Variants in UBASH3B observed in about 807,000 individuals in gnomAD.
UBASH3B encodes ubiquitin-associated and SH3 domain-containing protein B.
A neutral mutation model predicts 83.4 loss-of-function variants in UBASH3B; 37 were observed. The ratio of observed to expected loss-of-function variants is 0.44; its 90% CI spans 0.34 to 0.58. The LOEUF is 0.58. UBASH3B is among the 20% of genes least tolerant of loss of function. The pLI is 0.01. For missense variants in UBASH3B, 657 were observed against 827.2 expected (o/e 0.79, Z 2.52); for synonymous variants, 304 against 318.3 (o/e 0.96, Z 0.48).
intron 1 of UBASH3B, among the ~76,000 whole-genome samples, chr11:122,724,822 G>T (rs1307078771): frequency 6.6e-6 from 1 of 152,136 alleles, no homozygotes; most frequent in Non-Finnish European, 1.5e-5. Context: ...AGAGTCCAGT[G>T]AGCGGCATCC....
chr11:122,765,490 G>A (rs1860520915), intron 1 of UBASH3B, among the ~76,000 whole-genome samples: 2 of 152,180 alleles, frequency 1.3e-5, no homozygotes, highest in African/African-American at 2.4e-5. Flanking sequence ...GTGACTTAGA[G>A]GGTGAAGGGG....
At position 122,806,634 on chromosome 11, in the gene UBASH3B, A is replaced by T; in HGVS notation, c.1702+118A>T. The T allele has an allele frequency of 7.6e-7, 1 of 1,313,260 alleles. No homozygotes were observed. The highest frequency in any genetic ancestry group is 2.0e-5 in the South Asian group (1 of 49,252). The allele number at this position is 1,313,260 out of a possible 1,614,324, so 81.4% of individuals were successfully genotyped here. A position where few individuals can be genotyped will look rare whatever the true frequency, so the allele number is the denominator to read the frequency against. Reference sequence around the variant, plus strand: ...GCTAACCAAAGAAATGTATTTCCAGATTTTCTTCCAGATACTTTTACATTA... The same window carrying T: ...GCTAACCAAAGAAATGTATTTCCAGTTTTTCTTCCAGATACTTTTACATTA... On this transcript the variant is annotated intron_variant, in intron 12 of 13. Coordinates refer to ENST00000284273, the MANE Select transcript of UBASH3B (RefSeq NM_032873.5). The surrounding 1 kb of genome is among the most constrained non-coding windows in gnomAD (Gnocchi z 4.0).
chr11:122,720,722 ATCCACAGAGCTC>A (rs1039928653), intron 1 of UBASH3B, among the ~76,000 whole-genome samples: 2 of 152,104 alleles, frequency 1.3e-5, no homozygotes, highest in Non-Finnish European at 2.9e-5. Flanking sequence ...TCACACAGCT[ATCCACAGAGCTC>A]TCCCTCCCTG....
chr11:122,666,460 C>T (rs1320613824), intron 1 of UBASH3B, among the ~76,000 whole-genome samples: 1 of 152,080 alleles, frequency 6.6e-6, no homozygotes, highest in Non-Finnish European at 1.5e-5. Flanking sequence ...GCCCTGTCAC[C>T]CAGGCTGGAG....
chr11:122,741,158 G>T lies in UBASH3B; in HGVS notation c.162-35061G>T, dbSNP rs555054692. ...GAGGAATTCAGAACTTAACCTCTCA[G>T]CTAGTTTGAGGACTAAAGCTGTGAT... On this transcript the variant is annotated intron_variant, in intron 1 of 13. Coordinates refer to ENST00000284273, the MANE Select transcript of UBASH3B (RefSeq NM_032873.5). 2.0e-5 allele frequency among the ~76,000 whole-genome samples: 3 copies of T among 152,260 alleles called. No individual in the cohort carries two copies. In the South Asian group the frequency reaches 6.2e-4, roughly 32 times the overall value.
Position 122,799,049 on chromosome 11 carries a change from T to C in UBASH3B, c.1450+15T>C. ...TATCTTGAAAGGTAAGACTTGCAGG[T>C]TGACAAAAACAAGTAGTCCATCCCT... On this transcript the variant is annotated intron_variant, in intron 10 of 13. Coordinates refer to ENST00000284273, the MANE Select transcript of UBASH3B (RefSeq NM_032873.5). The C allele has an allele frequency of 3.1e-6, 5 of 1,611,140 alleles. No homozygotes were observed. The highest frequency in any genetic ancestry group is 4.2e-6 in the Non-Finnish European group (5 of 1,177,476).
intron 2 of UBASH3B, 88 bp from the exon 3 acceptor site, chr11:122,776,936 C>T: frequency 7.9e-7 from 1 of 1,267,286 alleles, no homozygotes; most frequent in African/African-American, 1.5e-5. Flanking sequence ...GGATTTGGAG[C>T]ACATGGAGGG....
chr11:122,781,598 C>G (rs1012744729), intron 4 of UBASH3B, among the ~76,000 whole-genome samples: 1 of 152,188 alleles, frequency 6.6e-6, no homozygotes, highest in African/African-American at 2.4e-5. Flanking sequence ...GTGTGGCCCC[C>G]TGGTGGGGAT....
chr11:122,689,530 C>G (rs943066381), intron 1 of UBASH3B, among the ~76,000 whole-genome samples: 1 of 152,056 alleles, frequency 6.6e-6, no homozygotes. Context: ...GCCTTTACAC[C>G]GCAACAGCAA....
chr11:122,700,660 C>A lies in UBASH3B; in HGVS notation c.161+44450C>A, dbSNP rs552016561. Among the ~76,000 whole-genome samples, 11 of 152,204 alleles carry A rather than the reference C, an allele frequency of 7.2e-5. No individual in the cohort carries two copies. The East Asian group carries it at 2.1e-3, about 29-fold the overall frequency. On this transcript the variant is annotated intron_variant, in intron 1 of 13. Coordinates refer to ENST00000284273, the MANE Select transcript of UBASH3B (RefSeq NM_032873.5). Reference sequence around the variant, plus strand: ...TACAGGTGCTCACCACCACACCCAGCTAAATTTTGTATTTTTAGTAGAGAT... The same window carrying A: ...TACAGGTGCTCACCACCACACCCAGATAAATTTTGTATTTTTAGTAGAGAT...
At chr11:122,773,283 C>T (rs1400609848) in intron 1 of UBASH3B, among the ~76,000 whole-genome samples, 1 of 152,202 alleles carries the variant, frequency 6.6e-6, no homozygotes, top group African/African-American at 2.4e-5. Flanking sequence ...TTCTGCCGCG[C>T]CCATGTTCAG....
intron 5 of UBASH3B, among the ~76,000 whole-genome samples, chr11:122,786,194 C>A (rs1860948445): frequency 6.6e-6 from 1 of 152,014 alleles, no homozygotes; most frequent in Non-Finnish European, 1.5e-5. Flanking sequence ...GGACTACAGG[C>A]ACCTGCCACC....
chr11:122,798,959 A>G lies in UBASH3B; in HGVS notation c.1375A>G (p.Ser459Gly), dbSNP rs191631832. The change falls in exon 10 of 14, where the codon AGC (serine) becomes GGC (glycine). Residue 459 changes from serine to glycine, a missense_variant. By Grantham distance (56) the Ser-to-Gly change is moderately conservative. This residue lies in a region of UBASH3B where 573 missense variants were observed against 739.0 expected (regional missense o/e 0.78). Coordinates refer to ENST00000284273, the MANE Select transcript of UBASH3B (RefSeq NM_032873.5). ...CTTTGCAGGTGAAGCCTTATTAGAGAGCAATACCATTATCGATCATGTCTA... is the reference window on the plus strand; with the variant it reads ...CTTTGCAGGTGAAGCCTTATTAGAGGGCAATACCATTATCGATCATGTCTA... ...ARLVGEALLE[S>G]NTIIDHVYCS... The G allele has an allele frequency of 1.1e-4, 171 of 1,614,012 alleles. 1 individual carries two copies. The Admixed American group carries it at 2.8e-3, about 26-fold the overall frequency.
At position 122,655,804 on chromosome 11, in the gene UBASH3B, G is replaced by C; in HGVS notation, c.-246G>C. On this transcript the variant is annotated 5_prime_UTR_variant, in exon 1 of 14. Coordinates refer to ENST00000284273, the MANE Select transcript of UBASH3B (RefSeq NM_032873.5). ...TACTGCAGGCGCAGAGCTGGGGGCA[G>C]CCGGGGGCCCGAGTGGCTGAGGCTG... The C allele has an allele frequency of 2.2e-6, 1 of 445,276 alleles. No individual in the cohort carries two copies. 27.6% of individuals were successfully genotyped at this position (445,276 alleles called of 1,614,324 possible).
At chr11:122,704,943 ACT>A (rs1182896342) in intron 1 of UBASH3B, among the ~76,000 whole-genome samples, 1 of 152,116 alleles carries the variant, frequency 6.6e-6, no homozygotes, top group African/African-American at 2.4e-5. Flanking sequence ...AAAGAAGGTC[ACT>A]CTGATAAAAA....
chr11:122,802,812 T>C (rs979074731), intron 11 of UBASH3B, among the ~76,000 whole-genome samples: 2 of 152,160 alleles, frequency 1.3e-5, no homozygotes, highest in African/African-American at 4.8e-5. Context: ...TAGCAATAAA[T>C]TGTTGTCCCC....
chr11:122,669,354 CTCA>C (rs1340481481), intron 1 of UBASH3B, among the ~76,000 whole-genome samples: 2 of 152,162 alleles, frequency 1.3e-5, no homozygotes, highest in African/African-American at 4.8e-5. Flanking sequence ...CCAAGCCCTC[CTCA>C]TCATCATCAC....
chr11:122,760,902 C>T (rs1300112686), intron 1 of UBASH3B, among the ~76,000 whole-genome samples: 1 of 152,232 alleles, frequency 6.6e-6, no homozygotes, highest in African/African-American at 2.4e-5. Flanking sequence ...CCTAACTATA[C>T]TGGTCATCTC....
intron 1 of UBASH3B, among the ~76,000 whole-genome samples, chr11:122,763,042 G>T (rs1169250249): frequency 6.6e-6 from 1 of 152,168 alleles, no homozygotes; most frequent in East Asian, 1.9e-4. Context: ...TTAAGAGATT[G>T]GGAAAGTGAG....
Sources: allele counts gnomAD v4.1 joint callset (sites outside exome capture counted in the v4.1 genomes callset), GRCh38; gene constraint gnomAD v4.1.1; regional missense constraint gnomAD v4.1.1; non-coding constraint Gnocchi (gnomAD v3.1); transcripts MANE v1.5; gene names NCBI Gene and HGNC (gene_info 2026-07-23, HGNC 2026-07-21).